The following KIF26B variants were observed in gnomAD, a reference collection of about 807,000 sequenced individuals.
KIF26B encodes kinesin family member 26B, also known as kinesin-like protein KIF26B.
In KIF26B, 63 loss-of-function variants were observed where a neutral mutation model predicts 151.2. That is an observed-to-expected ratio of 0.42 (90% CI 0.34 to 0.51). The LOEUF (loss-of-function observed/expected upper bound fraction) is 0.51, where lower values mean the gene tolerates loss of function less well. KIF26B is among the 20% of genes least tolerant of loss of function. The pLI, the probability that KIF26B is intolerant of heterozygous loss-of-function variation, is 0.07. For missense variants in KIF26B, 2,813 were observed against 2,913.6 expected, an observed-to-expected ratio of 0.97 and a Z score of 0.79; for synonymous variants, 1,357 against 1,262.1, an observed-to-expected ratio of 1.08 and a Z score of -1.59.
At chr1:245,363,663 C>T (rs570378062) in intron 2 of KIF26B, among the ~76,000 whole-genome samples, 1 of 152,156 alleles carries the variant, frequency 6.6e-6, no homozygotes, top group African/African-American at 2.4e-5. Context: ...TTACTGAGGC[C>T]TTTTGATGAT....
chr1:245,622,827 A>G (rs918398681), intron 9 of KIF26B, among the ~76,000 whole-genome samples: 5 of 151,776 alleles, frequency 3.3e-5, no homozygotes, highest in Admixed American at 2.6e-4. Flanking sequence ...AGGCGGGGGG[A>G]AGGGAGACAG....
rs551385452 is a variant in KIF26B at position 245,286,272 on chromosome 1, T to C, written c.466-80562T>C. On this transcript the variant is annotated intron_variant, in intron 2 of 14. Coordinates refer to ENST00000407071, the MANE Select transcript of KIF26B (RefSeq NM_018012.4). ...AAACTCAGGTGGGTGTGGTGGCTCATGCCTGTAATCTCAGCACTTTGGGAG... is the reference window on the plus strand; with the variant it reads ...AAACTCAGGTGGGTGTGGTGGCTCACGCCTGTAATCTCAGCACTTTGGGAG... Among the ~76,000 whole-genome samples, 213 of 152,188 alleles carry C rather than the reference T, an allele frequency of 1.4e-3. 1 individual carries two copies. Among genetic ancestry groups the C allele is most frequent in the Admixed American group, 2.0e-3 (30 of 15,286 alleles).
chr1:245,688,650 C>T lies in KIF26B; in HGVS notation c.5667C>T (p.Phe1889=), dbSNP rs2044575542. 2 of 1,604,368 alleles carry T rather than the reference C, an allele frequency of 1.2e-6. No homozygotes were observed. Among genetic ancestry groups the T allele is most frequent in the Non-Finnish European group, 1.7e-6 (2 of 1,176,708 alleles). ...CGGCCATGGGGAAGACGGCCCTGTT[C>T]TACCACAGCGGCGGCAGCAGCGGCT... ...LPPAMGKTAL[F]YHSGGSSGYE... The change falls in exon 12 of 15, where the codon TTC becomes TTT. Residue 1889 remains phenylalanine (F), a synonymous_variant. Coordinates refer to ENST00000407071, the MANE Select transcript of KIF26B (RefSeq NM_018012.4).
At chr1:245,625,829 G>T (rs1312855301) in intron 9 of KIF26B, among the ~76,000 whole-genome samples, 1 of 150,944 alleles carries the variant, frequency 6.6e-6, no homozygotes, top group Non-Finnish European at 1.5e-5. Context: ...CCAGCCTCTG[G>T]TATCTACCAT....
rs1240295382 is a variant in KIF26B at position 245,246,663 on chromosome 1, T to C, written c.465+89980T>C. On this transcript the variant is annotated intron_variant, in intron 2 of 14. Coordinates refer to ENST00000407071, the MANE Select transcript of KIF26B (RefSeq NM_018012.4). ...ACCCACACACCCACTCCCATAGTCA[T>C]TGAGGAATCCATTCTGATTGATGCC... is the stretch of plus-strand genomic sequence containing the variant. Among the ~76,000 whole-genome samples the C allele has an allele frequency of 2.0e-5, 3 of 152,170 alleles. No homozygotes were observed. In the East Asian group the frequency reaches 5.8e-4, roughly 29 times the overall value.
chr1:245,701,241 T>TG (rs2044767940), intron 14 of KIF26B, among the ~76,000 whole-genome samples: 1 of 152,164 alleles, frequency 6.6e-6, no homozygotes, highest in South Asian at 2.1e-4. Context: ...AAAACAGTAA[T>TG]GAAAAAAAGG....
At chr1:245,156,967 C>T (rs931328924) in intron 2 of KIF26B, among the ~76,000 whole-genome samples, 3 of 152,372 alleles carry the variant, frequency 2.0e-5, no homozygotes, top group African/African-American at 7.2e-5. Flanking sequence ...CAGGTGGTCT[C>T]TCCTGCCGCC....
intron 4 of KIF26B, among the ~76,000 whole-genome samples, chr1:245,501,965 C>T (rs775999048): frequency 3.9e-5 from 6 of 152,218 alleles, no homozygotes; most frequent in Non-Finnish European, 8.8e-5. Context: ...CTTGGCCATT[C>T]ACCATCCAAA....
At chr1:245,510,006 G>A (rs1023988003) in intron 4 of KIF26B, among the ~76,000 whole-genome samples, 1 of 152,212 alleles carries the variant, frequency 6.6e-6, no homozygotes, top group African/African-American at 2.4e-5. Context: ...CTGGGTCTGT[G>A]GAGGGTCCTG....
At chr1:245,173,789 G>A (rs1041151767) in intron 2 of KIF26B, among the ~76,000 whole-genome samples, 3 of 152,144 alleles carry the variant, frequency 2.0e-5, no homozygotes, top group East Asian at 1.9e-4. Context: ...TTACTTCCAC[G>A]GACCTTCTGA....
At chr1:245,662,571 CTA>C (rs59763599) in intron 10 of KIF26B, among the ~76,000 whole-genome samples, 6 of 95,750 alleles carry the variant, frequency 6.3e-5, no homozygotes, top group African/African-American at 2.2e-4. Flanking sequence ...TACACACACC[CTA>C]TATATATATA....
rs765541122 is a variant in KIF26B at position 245,366,997 on chromosome 1, G to T, written c.629G>T (p.Gly210Val). 1.2e-6 allele frequency: 2 copies of T among 1,613,776 alleles called. No individual in the cohort carries two copies. The highest frequency in any genetic ancestry group is 1.6e-4 in the Middle Eastern group (1 of 6,062). ...QMVLTLEQAAGSEHYDASPCS... is the reference protein window; with the variant it reads ...QMVLTLEQAAVSEHYDASPCS... ...GTGCTGACGTTGGAGCAGGCAGCCG[G>T]CAGTGAGCACTACGACGCCTCGCCC... Residue 210 changes from glycine to valine, a missense_variant, in exon 3 of 15, where the codon GGC becomes GTC. Gly to Val is a moderately radical substitution (Grantham distance 109). Around this residue, in one of 3 missense-constraint regions of KIF26B, gnomAD observed 676 missense variants for 688.1 expected, o/e 0.98. Coordinates refer to ENST00000407071, the MANE Select transcript of KIF26B (RefSeq NM_018012.4).
At chr1:245,319,516 T>C (rs1050099368) in intron 2 of KIF26B, among the ~76,000 whole-genome samples, 1 of 152,202 alleles carries the variant, frequency 6.6e-6, no homozygotes, top group African/African-American at 2.4e-5. Context: ...GCCAAGTTTT[T>C]TTTTTTTTTA....
intron 2 of KIF26B, among the ~76,000 whole-genome samples, chr1:245,360,583 A>G (rs1051103975): frequency 5.3e-5 from 8 of 152,220 alleles, no homozygotes; most frequent in Admixed American, 5.2e-4. Context: ...GCTTAGAGAG[A>G]TTTGTGAAAA....
At chr1:245,183,932 G>A (rs1668949129) in intron 2 of KIF26B, among the ~76,000 whole-genome samples, 1 of 151,638 alleles carries the variant, frequency 6.6e-6, no homozygotes, top group Non-Finnish European at 1.5e-5. Context: ...TTGGGGTACT[G>A]TCATATAGTT....
At position 245,257,454 on chromosome 1, in the gene KIF26B, C is replaced by T. The variant is rs540320296; in HGVS notation, c.465+100771C>T. ...GATTGACAGATGATATCCCCTGCCTCGAGGGAATACGTGTGTGGGCATCTG... is the reference window on the plus strand; with the variant it reads ...GATTGACAGATGATATCCCCTGCCTTGAGGGAATACGTGTGTGGGCATCTG... On this transcript the variant is annotated intron_variant, in intron 2 of 14. Coordinates refer to ENST00000407071, the MANE Select transcript of KIF26B (RefSeq NM_018012.4). 5.3e-5 allele frequency among the ~76,000 whole-genome samples: 8 copies of T among 152,272 alleles called. No homozygotes were observed. In the South Asian group the frequency reaches 8.3e-4, roughly 16 times the overall value.
intron 5 of KIF26B, among the ~76,000 whole-genome samples, chr1:245,570,306 G>T (rs10924245): frequency 0.098 from 14,902 of 152,068 alleles, 960 homozygotes; most frequent in African/African-American, 0.17. Flanking sequence ...TGCCACTCAG[G>T]CTTGAAACTT....
At position 245,560,583 on chromosome 1, in the gene KIF26B, A is replaced by G. The variant is rs1357391851; in HGVS notation, c.1350+19633A>G. Among the ~76,000 whole-genome samples, 2 of 152,146 alleles carry G rather than the reference A, an allele frequency of 1.3e-5. No individual in the cohort carries two copies. Among genetic ancestry groups the G allele is most frequent in the Non-Finnish European group, 2.9e-5 (2 of 68,030 alleles). ...CTTGGCTTTTGTGTTGCCTTCACAG[A>G]GTGTGGAGGTTGAAAACATCTCAGC... is the stretch of plus-strand genomic sequence containing the variant. On this transcript the variant is annotated intron_variant, in intron 5 of 14. Transcript: ENST00000407071. The surrounding 1 kb of genome is among the most constrained non-coding windows in gnomAD (Gnocchi z 4.3).
At chr1:245,192,156 G>A (rs891707890) in intron 2 of KIF26B, among the ~76,000 whole-genome samples, 4 of 152,098 alleles carry the variant, frequency 2.6e-5, no homozygotes, top group African/African-American at 4.8e-5. Flanking sequence ...TCAGCATTAG[G>A]GAAATGGTTA....
Sources: allele counts gnomAD v4.1 joint callset (sites outside exome capture counted in the v4.1 genomes callset), GRCh38; gene constraint gnomAD v4.1.1; regional missense constraint gnomAD v4.1.1; non-coding constraint Gnocchi (gnomAD v3.1); transcripts MANE v1.5; gene names NCBI Gene and HGNC (gene_info 2026-07-23, HGNC 2026-07-21).